The following LRRK1 variants were observed in gnomAD, a reference collection of about 807,000 sequenced individuals.
LRRK1 encodes the protein leucine rich repeat kinase 1, also known as leucine-rich repeat serine/threonine-protein kinase 1.
Under a neutral mutation model 209.1 loss-of-function variants are expected in LRRK1, and 113 were observed. The observed-to-expected ratio is 0.54, with a 90% CI of 0.46 to 0.63. LRRK1 has a LOEUF of 0.63. LRRK1 is among the 30% of genes least tolerant of loss of function. The pLI, the probability that LRRK1 is intolerant of heterozygous loss-of-function variation, is 0.00. For missense variants in LRRK1, 2,284 were observed against 2,632.2 expected (o/e 0.87, Z 2.89); for synonymous variants, 1,144 against 1,099.7 (o/e 1.04, Z -0.80).
intron 6 of LRRK1, among the ~76,000 whole-genome samples, chr15:100,990,079 T>A (rs769652955): frequency 4.5e-4 from 68 of 152,214 alleles, no homozygotes; most frequent in Non-Finnish European, 8.8e-5. Context: ...TTCACATCCT[T>A]CCACATGCAA....
Position 101,053,037 on chromosome 15 carries a change from G to C in LRRK1, c.3805G>C (p.Val1269Leu). The C allele has an allele frequency of 6.2e-7, 1 of 1,612,830 alleles. No homozygotes were observed. The change falls in exon 25 of 34, where the codon GTC becomes CTC. Residue 1269 changes from valine to leucine, a missense_variant. Val to Leu is a conservative substitution (Grantham distance 32). This residue lies in a region of LRRK1 where 780 missense variants were observed against 985.2 expected (regional missense o/e 0.79). Transcript: ENST00000388948. ...CCGGTACCAGGGCCAGCCTGTGGCC[G>C]TCAAGCGCTTCCACATCAAAAAATT... ...RARYQGQPVA[V>L]KRFHIKKFKN...
chr15:101,008,701 C>G (rs1262180241), intron 6 of LRRK1, 136 bp from the exon 7 acceptor site: 3 of 680,154 alleles, frequency 4.4e-6, no homozygotes, highest in Non-Finnish European at 7.7e-6. Context: ...CCGAGAAGGA[C>G]ATGTGCAGGC....
intron 2 of LRRK1, among the ~76,000 whole-genome samples, chr15:100,925,058 AT>A (rs1350782783): frequency 6.6e-6 from 1 of 152,180 alleles, no homozygotes; most frequent in African/African-American, 2.4e-5. Context: ...GAAAAAAATA[AT>A]TTAAAAAAAA....
intron 20 of LRRK1, among the ~76,000 whole-genome samples, chr15:101,036,762 CA>C (rs760152710): frequency 2.6e-5 from 4 of 151,668 alleles, no homozygotes; most frequent in African/African-American, 4.8e-5. Context: ...TTTGCCTTCA[CA>C]GGGGAGAACT....
At chr15:101,052,805 C>T in intron 24 of LRRK1, 117 bp from the exon 25 acceptor site, 7 of 1,273,056 alleles carry the variant, frequency 5.5e-6, no homozygotes, top group Non-Finnish European at 6.4e-6. Flanking sequence ...CCAGATCTGT[C>T]CAGCCTCACA....
Position 101,074,256 on chromosome 15 carries a change from G to C in LRRK1, c.*5408G>C, listed in dbSNP as rs1401550110. The C allele has an allele frequency of 2.0e-5, 3 of 152,014 alleles. No homozygotes were observed. The highest frequency in any genetic ancestry group is 4.4e-5 in the Non-Finnish European group (3 of 68,022). The allele number at this position is 152,014 out of a possible 1,614,324, so 9.4% of individuals were successfully genotyped here. A position where few individuals can be genotyped will look rare whatever the true frequency, so the allele number is the denominator to read the frequency against. On this transcript the variant is annotated 3_prime_UTR_variant, in exon 34 of 34. Transcript: ENST00000388948. ...CGAGCTAGGTCCCAATTCTTCCTCA[G>C]CCTCCGCTCCTCCACCATATAATCT... is the stretch of plus-strand genomic sequence containing the variant.
At chr15:101,039,989 A>C (rs1170605865) in intron 20 of LRRK1, among the ~76,000 whole-genome samples, 1 of 152,206 alleles carries the variant, frequency 6.6e-6, no homozygotes, top group Non-Finnish European at 1.5e-5. Flanking sequence ...ATTTTGCATA[A>C]GAATTTTTTA....
At chr15:101,061,077 G>A (rs1281905265) in intron 29 of LRRK1, 94 bp from the exon 30 acceptor site, 4 of 895,028 alleles carry the variant, frequency 4.5e-6, no homozygotes, top group Non-Finnish European at 7.4e-6. Flanking sequence ...GAGCAGGGGA[G>A]GTAGACGAGG....
At chr15:100,953,634 C>A (rs12911894) in intron 2 of LRRK1, among the ~76,000 whole-genome samples, 17,181 of 151,860 alleles carry the variant, frequency 0.11, 1,015 homozygotes, top group Non-Finnish European at 0.13. Flanking sequence ...ATGCTACATA[C>A]CGTTAATATG....
chr15:100,987,079 A>G (rs1027136731), intron 4 of LRRK1, among the ~76,000 whole-genome samples: 2 of 152,094 alleles, frequency 1.3e-5, no homozygotes, highest in African/African-American at 4.8e-5. Context: ...GGGGTCACTT[A>G]TTTTCTGTTA....
intron 6 of LRRK1, among the ~76,000 whole-genome samples, chr15:100,999,705 T>C (rs2032598225): frequency 6.6e-6 from 1 of 152,246 alleles, no homozygotes; most frequent in Non-Finnish European, 1.5e-5. Flanking sequence ...CTTGGGGAGC[T>C]GATTCTCTAT....
At chr15:100,999,901 T>C (rs912695954) in intron 6 of LRRK1, among the ~76,000 whole-genome samples, 1 of 152,264 alleles carries the variant, frequency 6.6e-6, no homozygotes, top group African/African-American at 2.4e-5. Context: ...TAATATATGA[T>C]CAGAAGTGTA....
chr15:100,984,655 T>C (rs1406665990), intron 4 of LRRK1, among the ~76,000 whole-genome samples: 1 of 152,212 alleles, frequency 6.6e-6, no homozygotes, highest in South Asian at 2.1e-4. Context: ...TTTTGTGACT[T>C]GATAGCTCAT....
At chr15:101,043,964 T>C (rs374716204) in intron 20 of LRRK1, 2 of 152,194 alleles carry the variant, frequency 1.3e-5, no homozygotes, top group African/African-American at 4.8e-5. Context: ...ACAGTCCAGT[T>C]ATTGTTACTG....
chr15:100,956,654 AG>A (rs555053982), intron 2 of LRRK1, among the ~76,000 whole-genome samples: 174 of 151,758 alleles, frequency 1.1e-3, no homozygotes, highest in Non-Finnish European at 2.2e-3. Context: ...TAGTAGAGAC[AG>A]GGTTTCACCA....
chr15:100,973,695 C>T (rs910757603), intron 2 of LRRK1, 109 bp from the exon 3 acceptor site: 18 of 1,107,402 alleles, frequency 1.6e-5, no homozygotes, highest in East Asian at 6.4e-5. Flanking sequence ...CTGAAGCCCC[C>T]GCGATCGTGC....
At chr15:100,990,449 G>A (rs1378748247) in intron 6 of LRRK1, among the ~76,000 whole-genome samples, 1 of 151,984 alleles carries the variant, frequency 6.6e-6, no homozygotes, top group Admixed American at 6.6e-5. Context: ...CAACACTCTG[G>A]TGATTCACAT....
chr15:101,043,549 AG>A (rs1356202409), intron 20 of LRRK1, among the ~76,000 whole-genome samples: 1 of 152,220 alleles, frequency 6.6e-6, no homozygotes, highest in Non-Finnish European at 1.5e-5. Context: ...ACTCAGTAAA[AG>A]AAAGTCAGTT....
Position 101,066,044 on chromosome 15 carries a change from G to A in LRRK1, c.5607G>A (p.Val1869=), listed in dbSNP as rs765189273. ...GCTCCCCAGCAAGTTCTTCCAGTGT[G>A]CCTTTCTCCACCGACTGCGAGGACT... is the stretch of plus-strand genomic sequence containing the variant. The part of the protein sequence containing the change: ...LPSSPASSSS[V]PFSTDCEDSD... Residue 1869 remains valine, a synonymous_variant, in exon 32 of 34, where the codon GTG becomes GTA. Transcript: ENST00000388948. 6.2e-7 allele frequency: 1 copy of A among 1,614,130 alleles called. No individual in the cohort carries two copies.
Sources: gnomAD v4.1 joint callset for allele counts (sites outside exome capture counted in the v4.1 genomes callset) on GRCh38, gnomAD v4.1.1 for gene constraint, gnomAD v4.1.1 regional missense constraint, MANE v1.5 for transcripts, NCBI Gene and HGNC (gene_info 2026-07-23, HGNC 2026-07-21) for gene names.